PELI2: variants seen among roughly 807,000 people sequenced by gnomAD.
PELI2 encodes the protein pellino E3 ubiquitin protein ligase family member 2, also known as E3 ubiquitin-protein ligase pellino homolog 2.
In PELI2, 23 loss-of-function variants were observed where a neutral mutation model predicts 42.3. The ratio of observed to expected loss-of-function variants is 0.54; its 90% confidence interval spans 0.39 to 0.77. The LOEUF (loss-of-function observed/expected upper bound fraction) is 0.77. Among genes scored for constraint, PELI2 ranks in the 30% least tolerant of loss-of-function variants. The pLI is 0.00. For missense variants in PELI2, 463 were observed against 553.2 expected, an observed-to-expected ratio of 0.84 and a Z score of 1.64; for synonymous variants, 245 against 212.2, an observed-to-expected ratio of 1.15 and a Z score of -1.34.
intron 5 of PELI2, among the ~76,000 whole-genome samples, chr14:56,291,479 A>G (rs537495425): frequency 2.0e-4 from 31 of 152,346 alleles, no homozygotes; most frequent in Middle Eastern, 3.4e-3. Flanking sequence ...TGCGTCTTAC[A>G]GTGCACCATG....
At chr14:56,135,130 T>A (rs1883639936) in intron 1 of PELI2, among the ~76,000 whole-genome samples, 3 of 152,218 alleles carry the variant, frequency 2.0e-5, no homozygotes, top group South Asian at 4.1e-4. Context: ...ACCCCAGAGC[T>A]GTAGTATAAC....
rs1356423642 is a variant in PELI2, at chr14:56,256,469, T to C, written c.208-23207T>C. ...CCTGTCTCAAAAAAGAAAAAAAAAA[T>C]ACCATTAACTTCAAAGTAAAAATTA... On this transcript the variant is annotated intron_variant, in intron 2 of 5. Transcript: ENST00000267460. Among the ~76,000 whole-genome samples the C allele has an allele frequency of 4.0e-5, 6 of 151,768 alleles. No individual in the cohort carries two copies. The South Asian group carries it at 1.3e-3, about 32-fold the overall frequency.
At chr14:56,243,650 A>G (rs1888055446) in intron 2 of PELI2, among the ~76,000 whole-genome samples, 1 of 152,186 alleles carries the variant, frequency 6.6e-6, no homozygotes, top group African/African-American at 2.4e-5. Context: ...TTTTTGGGTC[A>G]TTATTATTGT....
chr14:56,226,193 G>A lies in PELI2; in HGVS notation c.207+47729G>A, dbSNP rs539967639. Among the ~76,000 whole-genome samples, 106 of 152,274 alleles carry A rather than the reference G, an allele frequency of 7.0e-4. 1 individual carries two copies. In the South Asian group the frequency reaches 0.02, roughly 28 times the overall value. The stretch of plus-strand genomic sequence containing the variant: ...GACATAGGTCTGACCCACCTGTCTC[G>A]TTAGCCCACCACTGCCTGACCCAGC... On this transcript the variant is annotated intron_variant, in intron 2 of 5. Coordinates refer to ENST00000267460, the MANE Select transcript of PELI2 (RefSeq NM_021255.3).
In PELI2 at chr14:56,288,571, T is replaced by C. The variant is rs543969002; in HGVS notation, c.444T>C (p.Asn148=). 1.6e-5 allele frequency: 26 copies of C among 1,613,964 alleles called. No homozygotes were observed. The highest frequency in any genetic ancestry group is 2.2e-5 in the Non-Finnish European group (26 of 1,180,000). ...CCTGCAGGATCGTGTGCGACAGGAA[T>C]GAACCTTACACAGCACGGATATTCG... The part of the protein sequence containing the change: ...RFACRIVCDR[N]EPYTARIFAA... The change falls in exon 4 of 6, where the codon AAT becomes AAC. Residue 148 remains asparagine, a synonymous_variant. Coordinates refer to ENST00000267460, the MANE Select transcript of PELI2 (RefSeq NM_021255.3). This position sits in a 1 kb window ranked among gnomAD's most constrained non-coding sequence, Gnocchi z 4.6.
chr14:56,234,458 G>A (rs1043522474), intron 2 of PELI2, among the ~76,000 whole-genome samples: 5 of 152,136 alleles, frequency 3.3e-5, no homozygotes, highest in African/African-American at 1.2e-4. Flanking sequence ...GTAGGGACAT[G>A]GGTGAAGCTG....
chr14:56,134,459 G>A (rs1383751862), intron 1 of PELI2, among the ~76,000 whole-genome samples: 1 of 151,968 alleles, frequency 6.6e-6, no homozygotes, highest in Non-Finnish European at 1.5e-5. Flanking sequence ...GTATTTATAT[G>A]CTTGTATTTA....
At chr14:56,150,894 C>T (rs965481319) in intron 1 of PELI2, among the ~76,000 whole-genome samples, 2 of 152,112 alleles carry the variant, frequency 1.3e-5, no homozygotes, top group African/African-American at 4.8e-5. Flanking sequence ...GTGGCTGGAC[C>T]AGGTGATGCA....
chr14:56,148,800 A>C (rs1043263211), intron 1 of PELI2, among the ~76,000 whole-genome samples: 2 of 151,998 alleles, frequency 1.3e-5, no homozygotes, highest in African/African-American at 2.4e-5. Context: ...CTTTTCTTAC[A>C]TGTTTGTGAT....
chr14:56,170,051 C>T (rs1027895747), intron 1 of PELI2, among the ~76,000 whole-genome samples: 7 of 152,154 alleles, frequency 4.6e-5, no homozygotes, highest in Non-Finnish European at 7.4e-5. Context: ...GACTGTGTGC[C>T]CTGCCTTTGA....
Position 56,279,797 on chromosome 14 carries a change from A to G in PELI2, c.309+20A>G, listed in dbSNP as rs187434333. 2 of 1,348,616 alleles carry G rather than the reference A, an allele frequency of 1.5e-6. No homozygotes were observed. Among genetic ancestry groups the G allele is most frequent in the African/African-American group, 1.5e-5 (1 of 68,732 alleles). 83.5% of individuals were successfully genotyped at this position (1,348,616 alleles called of 1,614,324 possible). On this transcript the variant is annotated intron_variant, in intron 3 of 5. Coordinates refer to ENST00000267460, the MANE Select transcript of PELI2 (RefSeq NM_021255.3). ...TTTCAGGTAATATTTTTCTTTTTTA[A>G]TAGAAATTTTAGCACGTTTTCCTTT...
intron 1 of PELI2, among the ~76,000 whole-genome samples, chr14:56,177,281 C>T (rs1734806623): frequency 3.3e-5 from 5 of 152,174 alleles, no homozygotes; most frequent in Admixed American, 1.3e-4. Context: ...TTCCCCTGTC[C>T]GGCCACTCCC....
At chr14:56,127,608 A>G (rs764978836) in intron 1 of PELI2, among the ~76,000 whole-genome samples, 37 of 152,238 alleles carry the variant, frequency 2.4e-4, no homozygotes, top group Non-Finnish European at 4.6e-4. Flanking sequence ...AAAATTTGAT[A>G]GCAGCCACTG....
Position 56,247,301 on chromosome 14 carries a change from T to G in PELI2, c.208-32375T>G, listed in dbSNP as rs141198103. Among the ~76,000 whole-genome samples, 146 of 152,344 alleles carry G rather than the reference T, an allele frequency of 9.6e-4. 2 individuals carry two copies. The highest frequency in any genetic ancestry group is 3.3e-3 in the African/African-American group (136 of 41,576). On this transcript the variant is annotated intron_variant, in intron 2 of 5. Transcript: ENST00000267460. ...TATATTCTTCCGATTATTATTTCAG[T>G]CAACTGTAGTTTTTCTTTTTGTTGC...
At chr14:56,178,485 T>C in intron 2 of PELI2, 21 bp downstream of exon 2, 1 of 1,613,434 alleles carries the variant, frequency 6.2e-7, no homozygotes, top group South Asian at 1.1e-5. Context: ...CTGTCAAGAG[T>C]TGGGAGGGTG....
intron 2 of PELI2, among the ~76,000 whole-genome samples, chr14:56,218,688 C>T (rs1239529249): frequency 1.9e-4 from 29 of 152,042 alleles, no homozygotes; most frequent in Non-Finnish European, 2.9e-5. Flanking sequence ...TGTGTGCATG[C>T]ACGCACATGT....
In PELI2 at chr14:56,276,970, G is replaced by A. The variant is rs540493160; in HGVS notation, c.208-2706G>A. Among the ~76,000 whole-genome samples the A allele has an allele frequency of 2.6e-5, 4 of 152,252 alleles. No homozygotes were observed. The South Asian group carries it at 8.3e-4, about 32-fold the overall frequency. Reference sequence around the variant, plus strand: ...GTGGGCAGTTTCCAGGTAATGTGATGCTTTCGCTATAAATACCCTTTTTCA... The same window carrying A: ...GTGGGCAGTTTCCAGGTAATGTGATACTTTCGCTATAAATACCCTTTTTCA... On this transcript the variant is annotated intron_variant, in intron 2 of 5. Transcript: ENST00000267460.
intron 1 of PELI2, among the ~76,000 whole-genome samples, chr14:56,160,031 G>C (rs1884701891): frequency 6.7e-6 from 1 of 149,958 alleles, no homozygotes; most frequent in Non-Finnish European, 1.5e-5. Flanking sequence ...TTTTTAGGTA[G>C]ACTGGATTTG....
intron 2 of PELI2, among the ~76,000 whole-genome samples, chr14:56,264,628 G>T (rs907184290): frequency 1.3e-5 from 2 of 152,124 alleles, no homozygotes; most frequent in Admixed American, 6.6e-5. Context: ...GAAAGCCAAA[G>T]AAATTTATGG....
Sources: gnomAD v4.1 joint callset for allele counts (sites outside exome capture counted in the v4.1 genomes callset) on GRCh38, gnomAD v4.1.1 for gene constraint, Gnocchi (gnomAD v3.1) non-coding constraint, MANE v1.5 for transcripts, NCBI Gene and HGNC (gene_info 2026-07-23, HGNC 2026-07-21) for gene names.